PRH1: variants seen among roughly 807,000 people sequenced by gnomAD.
PRH1 encodes the protein salivary acidic proline-rich phosphoprotein 1/2.
In PRH1, 7 loss-of-function variants were observed where a neutral mutation model predicts 7.9. The observed-to-expected ratio is 0.89, with a 90% CI of 0.50 to 1.67. The LOEUF is 1.67. Among genes scored for constraint, PRH1 ranks in the 40% most tolerant of loss-of-function variants. PRH1 has a pLI of 0.00. For synonymous variants in PRH1, 45 were observed against 80.8 expected, an observed-to-expected ratio of 0.56 and a Z score of 2.38; for missense variants, 109 against 223.6, an observed-to-expected ratio of 0.49 and a Z score of 3.27.
intron 1 of PRH1, among the ~76,000 whole-genome samples, chr12:10,978,913 A>C (rs1229153828): frequency 6.7e-6 from 1 of 148,424 alleles, no homozygotes; most frequent in Non-Finnish European, 1.5e-5. Context: ...ACAAACAAAC[A>C]AACAAACAAA....
At chr12:11,147,897 T>C (rs1418296211) in intron 1 of PRH1, among the ~76,000 whole-genome samples, 1 of 151,686 alleles carries the variant, frequency 6.6e-6, no homozygotes, top group Non-Finnish European at 1.5e-5. Flanking sequence ...ATTTTCACGA[T>C]ATTGATTCTT....
chr12:10,886,922 A>C (rs1366048782), upstream of PRH1, among the ~76,000 whole-genome samples: 7 of 152,188 alleles, frequency 4.6e-5, no homozygotes, highest in African/African-American at 9.6e-5. Context: ...GGACTTTACC[A>C]GCCTCCAGCT....
At chr12:10,886,112 T>C (rs1385619120), upstream of PRH1, among the ~76,000 whole-genome samples, 2 of 152,228 alleles carry the variant, frequency 1.3e-5, no homozygotes, top group Admixed American at 6.5e-5. Context: ...GTATGAGTTG[T>C]ATCTCAGGCA....
chr12:11,008,691 G>T (rs1940938165), intron 1 of PRH1, among the ~76,000 whole-genome samples: 1 of 152,076 alleles, frequency 6.6e-6, no homozygotes, highest in South Asian at 2.1e-4. Flanking sequence ...TAATCAGACA[G>T]ATGCATGTAC....
In PRH1 at chr12:10,912,563, T is replaced by A. The variant is rs926963287; in HGVS notation, c.-58-28288A>T. Among the ~76,000 whole-genome samples the A allele has an allele frequency of 8.5e-5, 13 of 152,102 alleles. No homozygotes were observed. In the East Asian group the frequency reaches 2.5e-3, roughly 29 times the overall value. On this transcript the variant is annotated intron_variant, in intron 2 of 3. Coordinates refer to the PRH1 transcript ENST00000539853. ...TCTTTTCAGATGTATTATTTTTCAT[T>A]AATTTCATCTCTTATATTGTTATTT...
At chr12:10,938,570 T>A (rs765728197) in intron 2 of PRH1, 1 of 1,614,026 alleles carries the variant, frequency 6.2e-7, no homozygotes, top group Non-Finnish European at 8.5e-7. Context: ...GACAGTGTGC[T>A]GCATCTTCTT....
intron 1 of PRH1, among the ~76,000 whole-genome samples, chr12:11,046,335 A>G (rs746372005): frequency 1.3e-5 from 2 of 152,170 alleles, no homozygotes; most frequent in Non-Finnish European, 2.9e-5. Flanking sequence ...GCTGGGCTAC[A>G]TGAAGTCTGC....
downstream of PRH1, among the ~76,000 whole-genome samples, chr12:11,119,234 A>T (rs781139997): frequency 8.5e-5 from 13 of 152,114 alleles, no homozygotes; most frequent in Non-Finnish European, 1.6e-4. Flanking sequence ...GAACTCGTGG[A>T]CATAGAGAGT....
chr12:11,131,525 TAATC>T (rs1316880807), intron 1 of PRH1, among the ~76,000 whole-genome samples: 1 of 152,288 alleles, frequency 6.6e-6, no homozygotes, highest in Non-Finnish European at 1.5e-5. Flanking sequence ...TTTTATATGA[TAATC>T]AACTAGAAAA....
At chr12:11,101,102 G>T (rs1945230837) in intron 1 of PRH1, among the ~76,000 whole-genome samples, 1 of 152,066 alleles carries the variant, frequency 6.6e-6, no homozygotes, top group Non-Finnish European at 1.5e-5. Flanking sequence ...ATCAATCATG[G>T]ATATTCAAAT....
chr12:10,945,244 T>A (rs752344707), intron 2 of PRH1, among the ~76,000 whole-genome samples: 8 of 152,188 alleles, frequency 5.3e-5, no homozygotes, highest in Non-Finnish European at 1.0e-4. Context: ...TCATTATTGG[T>A]CTGTGCAGGG....
chr12:11,159,947 C>G (rs1208709418), intron 1 of PRH1, among the ~76,000 whole-genome samples: 4 of 152,186 alleles, frequency 2.6e-5, no homozygotes, highest in Non-Finnish European at 2.9e-5. Context: ...CACTTTCAGT[C>G]AGCTACTATA....
rs11381862 is a variant in PRH1 at position 11,168,213 on chromosome 12, G to GA, written n.39+3208dup. ...CATGGCAAAAAACGAAAGAAAGAAA[G>GA]AAGAAAGAAAGAAAGAAAGAAAGAA... On this transcript the variant is annotated intron_variant and non_coding_transcript_variant, in intron 1 of 1. Transcript: ENST00000541175. 1.7e-3 allele frequency among the ~76,000 whole-genome samples: 33 copies of GA among 19,660 alleles called. 6 individuals carry two copies. Among genetic ancestry groups the GA allele is most frequent in the South Asian group, 6.6e-3 (3 of 452 alleles). The allele number at this position is 19,660 out of a possible 152,430, so 12.9% of individuals were successfully genotyped here.
In PRH1 at chr12:11,071,615, T is replaced by A. The variant is rs1400586595; in HGVS notation, n.124-24427A>T. Among the ~76,000 whole-genome samples, 4 of 152,308 alleles carry A rather than the reference T, an allele frequency of 2.6e-5. No individual in the cohort carries two copies. In the East Asian group the frequency reaches 7.7e-4, roughly 29 times the overall value. On this transcript the variant is annotated intron_variant and non_coding_transcript_variant, in intron 1 of 4. Coordinates refer to the PRH1 transcript ENST00000541977. ...GGGAAGGTGACAGAGTTGATTACCC[T>A]CTAATGGTGTTGACTCAAAGTTTTT...
chr12:10,997,281 T>C (rs1940315119), intron 1 of PRH1: 2 of 1,614,098 alleles, frequency 1.2e-6, no homozygotes, highest in Non-Finnish European at 1.7e-6. Flanking sequence ...AGAGAGTAGA[T>C]TAACAGCAGA....
intron 2 of PRH1, among the ~76,000 whole-genome samples, chr12:10,957,889 A>C (rs1294339695): frequency 6.6e-6 from 1 of 152,182 alleles, no homozygotes; most frequent in East Asian, 1.9e-4. Flanking sequence ...CAGAATAGCT[A>C]TTACTAAAAC....
chr12:11,027,120 C>T (rs1354352820), intron 1 of PRH1, among the ~76,000 whole-genome samples: 2 of 151,770 alleles, frequency 1.3e-5, no homozygotes, highest in African/African-American at 4.8e-5. Context: ...CAAAAATTAG[C>T]CAGGCGTGAT....
At chr12:10,932,188 T>C in intron 2 of PRH1, 1 of 429,150 alleles carries the variant, frequency 2.3e-6, no homozygotes, top group Non-Finnish European at 4.8e-6. Context: ...TTTCCTGCCA[T>C]GTCAAGTCTT....
intron 1 of PRH1, among the ~76,000 whole-genome samples, chr12:11,015,936 C>T (rs1460208088): frequency 2.0e-5 from 3 of 151,798 alleles, no homozygotes; most frequent in Non-Finnish European, 4.4e-5. Context: ...CTGCAGGGCA[C>T]GTTCTTCTAA....
Sources: allele counts gnomAD v4.1 joint callset (sites outside exome capture counted in the v4.1 genomes callset), GRCh38; gene constraint gnomAD v4.1.1; transcripts MANE v1.5; gene names NCBI Gene and HGNC (gene_info 2026-07-23, HGNC 2026-07-21).